The following NR3C2 variants were observed in gnomAD, a reference collection of about 807,000 sequenced individuals.
The protein encoded by NR3C2 is mineralocorticoid receptor.
Under a neutral mutation model 86.4 loss-of-function variants are expected in NR3C2, and 15 were observed. The ratio of observed to expected loss-of-function variants is 0.17; its 90% CI spans 0.12 to 0.27. The LOEUF (loss-of-function observed/expected upper bound fraction) is 0.27. NR3C2 is among the 10% of genes least tolerant of loss of function. NR3C2 has a pLI of 1.00. For missense variants in NR3C2, 960 were observed against 1,195.6 expected (o/e 0.80, Z 2.91); for synonymous variants, 458 against 450.5 (o/e 1.02, Z -0.21).
upstream of NR3C2, chr4:148,444,404 C>A: frequency 1.0e-6 from 1 of 986,154 alleles, no homozygotes; most frequent in South Asian, 4.7e-5. Flanking sequence ...CGCATCCCAC[C>A]TCCGCTCGCC....
At chr4:148,444,479 AC>A (rs61760042), upstream of NR3C2, 3,714 of 985,224 alleles carry the variant, frequency 3.8e-3, 8 homozygotes, top group Non-Finnish European at 4.2e-3. Flanking sequence ...CGCTCTCCGG[AC>A]CCCCTCTCGC....
chr4:148,223,164 T>A (rs1737951594), intron 3 of NR3C2, among the ~76,000 whole-genome samples: 1 of 152,138 alleles, frequency 6.6e-6, no homozygotes, highest in South Asian at 2.1e-4. Flanking sequence ...GGCCCTACAC[T>A]GACACTCCCC....
chr4:148,114,622 A>C (rs1358463838), intron 7 of NR3C2, among the ~76,000 whole-genome samples: 3 of 152,226 alleles, frequency 2.0e-5, no homozygotes, highest in Non-Finnish European at 1.5e-5. Flanking sequence ...GTGGTATTCA[A>C]CTTAGGTCTG....
rs529324923 is a variant in NR3C2 at position 148,401,564 on chromosome 4, C to T, written c.1757+33540G>A. On this transcript the variant is annotated intron_variant, in intron 2 of 8. Coordinates refer to ENST00000358102, the MANE Select transcript of NR3C2 (RefSeq NM_000901.5). ...CTGCAAGCTCTGCCTCCTGGGTTCA[C>T]GCCATTCTCCTGCCTCAGCCTCCCC... is the stretch of plus-strand genomic sequence containing the variant. Among the ~76,000 whole-genome samples, 7 of 149,062 alleles carry T rather than the reference C, an allele frequency of 4.7e-5. No homozygotes were observed. The East Asian group carries it at 1.0e-3, about 22-fold the overall frequency.
chr4:148,426,307 G>C (rs1749526630), intron 2 of NR3C2, among the ~76,000 whole-genome samples: 1 of 152,082 alleles, frequency 6.6e-6, no homozygotes, highest in Non-Finnish European at 1.5e-5. Flanking sequence ...ATGGCTCTTA[G>C]GTTCTATTCC....
intron 2 of NR3C2, among the ~76,000 whole-genome samples, chr4:148,370,498 CT>C (rs1746362977): frequency 6.6e-6 from 1 of 152,062 alleles, no homozygotes; most frequent in South Asian, 2.1e-4. Context: ...TCCTACATAA[CT>C]TTTTTTCAAA....
At chr4:148,218,078 G>GA (rs1737635450) in intron 3 of NR3C2, among the ~76,000 whole-genome samples, 1 of 152,176 alleles carries the variant, frequency 6.6e-6, no homozygotes, top group East Asian at 1.9e-4. Flanking sequence ...TAGTATAAAA[G>GA]AAAAAGTTAC....
At chr4:148,356,089 T>G (rs1745537082) in intron 2 of NR3C2, among the ~76,000 whole-genome samples, 2 of 152,164 alleles carry the variant, frequency 1.3e-5, no homozygotes, top group East Asian at 3.8e-4. Flanking sequence ...AATTTTCACA[T>G]GTAAACTTCA....
upstream of NR3C2, chr4:148,444,962 G>T (rs1750511691): frequency 6.1e-6 from 6 of 984,922 alleles, no homozygotes; most frequent in Non-Finnish European, 7.2e-6. Flanking sequence ...CGGCGGCCGA[G>T]CGCGTGTGTG....
chr4:148,103,246 C>T (rs1052928960), intron 8 of NR3C2, among the ~76,000 whole-genome samples: 1 of 152,238 alleles, frequency 6.6e-6, no homozygotes, highest in African/African-American at 2.4e-5. Flanking sequence ...CTCCGTATCA[C>T]ACCACCTTTC....
intron 3 of NR3C2, among the ~76,000 whole-genome samples, chr4:148,243,393 C>T (rs1739159516): frequency 6.6e-6 from 1 of 152,016 alleles, no homozygotes; most frequent in African/African-American, 2.4e-5. Flanking sequence ...CCACAAAGAC[C>T]ACTAATATGC....
chr4:148,210,418 A>C (rs958730324), intron 3 of NR3C2, among the ~76,000 whole-genome samples: 5 of 152,064 alleles, frequency 3.3e-5, no homozygotes, highest in Non-Finnish European at 7.4e-5. Flanking sequence ...CTCGAACTCC[A>C]GAGCTCAGGC....
At chr4:148,098,152 G>C (rs565962695) in intron 8 of NR3C2, among the ~76,000 whole-genome samples, 253 of 152,250 alleles carry the variant, frequency 1.7e-3, no homozygotes, top group Non-Finnish European at 3.1e-3. Context: ...TTGGTGTATT[G>C]ACTTGCTGTG....
intron 6 of NR3C2, among the ~76,000 whole-genome samples, chr4:148,124,120 C>A (rs1732638355): frequency 6.6e-6 from 1 of 152,126 alleles, no homozygotes; most frequent in Non-Finnish European, 1.5e-5. Context: ...TGCCTGTAAT[C>A]CCAGCTACTC....
At chr4:148,163,530 T>C (rs1048298325) in intron 4 of NR3C2, among the ~76,000 whole-genome samples, 1 of 152,176 alleles carries the variant, frequency 6.6e-6, no homozygotes, top group Admixed American at 6.5e-5. Flanking sequence ...AGAGAATGTC[T>C]AGCACCATGG....
At chr4:148,280,667 TTTTTTA>T (rs999913491) in intron 2 of NR3C2, among the ~76,000 whole-genome samples, 39 of 152,092 alleles carry the variant, frequency 2.6e-4, no homozygotes, top group African/African-American at 9.2e-4. Flanking sequence ...CCTAACTAAT[TTTTTTA>T]TTTTTATGTT....
At chr4:148,396,881 T>C (rs1747886355) in intron 2 of NR3C2, among the ~76,000 whole-genome samples, 1 of 152,246 alleles carries the variant, frequency 6.6e-6, no homozygotes. Context: ...CTCCAATCCC[T>C]ACTTCTGCAT....
intron 4 of NR3C2, among the ~76,000 whole-genome samples, chr4:148,180,718 C>G (rs1364400760): frequency 1.3e-5 from 2 of 152,184 alleles, no homozygotes; most frequent in East Asian, 3.9e-4. Context: ...ATTTTGCATA[C>G]TAATTTTGTA....
At chr4:148,221,910 A>AAAAG (rs1737877283) in intron 3 of NR3C2, among the ~76,000 whole-genome samples, 1 of 151,300 alleles carries the variant, frequency 6.6e-6, no homozygotes, top group African/African-American at 2.4e-5. Flanking sequence ...AAAAAAAAAA[A>AAAAG]AAGAAAAAGT....
Sources: gnomAD v4.1 joint callset for allele counts (sites outside exome capture counted in the v4.1 genomes callset) on GRCh38, gnomAD v4.1.1 for gene constraint, MANE v1.5 for transcripts, NCBI Gene and HGNC (gene_info 2026-07-23, HGNC 2026-07-21) for gene names.